The following FRMPD4 variants were observed in gnomAD, a reference collection of about 807,000 sequenced individuals.
FRMPD4 encodes FERM and PDZ domain containing 4.
In FRMPD4, 22 loss-of-function variants were observed where a neutral mutation model predicts 94.1. The ratio of observed to expected loss-of-function variants is 0.23; its 90% CI spans 0.17 to 0.33. The LOEUF (loss-of-function observed/expected upper bound fraction) is 0.33, where lower values mean the gene tolerates loss of function less well. Ranked by LOEUF, FRMPD4 falls within the 10% of genes least tolerant of loss-of-function variation. The pLI, the probability that FRMPD4 is intolerant of heterozygous loss-of-function variation, is 1.00. For synonymous variants in FRMPD4, 631 were observed against 548.6 expected (o/e 1.15, Z -2.10); for missense variants, 1,111 against 1,339.9 (o/e 0.83, Z 2.67).
chrX:12,625,983 G>T, intron 4 of FRMPD4, among the ~76,000 whole-genome samples: 1 of 111,426 alleles, frequency 9.0e-6, no homozygotes, highest in Admixed American at 9.5e-5. Context: ...CTAATCTGGG[G>T]ATAGATAGCA....
At chrX:12,491,959 T>C (rs1347490253) in intron 1 of FRMPD4, among the ~76,000 whole-genome samples, 1 of 112,222 alleles carries the variant, frequency 8.9e-6, no homozygotes, top group Admixed American at 9.5e-5. Flanking sequence ...AGCTCTGTGA[T>C]GCCTCTCTGA....
In FRMPD4 at chrX:12,622,010, GAAAGA is replaced by G. The variant is rs1332029624; in HGVS notation, c.422+7132_422+7136del. Among the ~76,000 whole-genome samples, 198 of 49,487 alleles carry G rather than the reference GAAAGA, an allele frequency of 4.0e-3. 1 individual carries two copies. Among genetic ancestry groups the G allele is most frequent in the Middle Eastern group, 7.4e-3 (1 of 135 alleles). The allele number at this position is 49,487 out of a possible 115,157, so 43.0% of individuals were successfully genotyped here. A position where few individuals can be genotyped will look rare whatever the true frequency, so the allele number is the denominator to read the frequency against. ...AGAAAGAAAGAAAGAAAGAAAGAAA[GAAAGA>G]AAGGAAGGAAGGAAGGAAGGAAGGA... On this transcript the variant is annotated intron_variant, in intron 4 of 16. Coordinates refer to ENST00000675598, the MANE Select transcript of FRMPD4 (RefSeq NM_001368397.1).
At chrX:12,189,503 A>G (rs1490632521) in intron 1 of FRMPD4, among the ~76,000 whole-genome samples, 2 of 112,107 alleles carry the variant, frequency 1.8e-5, no homozygotes, top group Non-Finnish European at 3.8e-5. Context: ...CATAGATTCA[A>G]AAATCCCCAA....
chrX:12,419,456 G>C (rs1239129066), intron 1 of FRMPD4, among the ~76,000 whole-genome samples: 1 of 112,301 alleles, frequency 8.9e-6, no homozygotes, highest in East Asian at 2.8e-4. Flanking sequence ...TTATGAAATA[G>C]AATTGTTGTT....
chrX:12,528,551 C>G (rs917946472), intron 2 of FRMPD4, among the ~76,000 whole-genome samples: 1 of 110,337 alleles, frequency 9.1e-6, no homozygotes, highest in Non-Finnish European at 1.9e-5. Flanking sequence ...GAACTCCTGA[C>G]TTGTGATCCA....
At chrX:12,253,343 C>G (rs1040039640) in intron 1 of FRMPD4, among the ~76,000 whole-genome samples, 1 of 112,131 alleles carries the variant, frequency 8.9e-6, no homozygotes, top group Non-Finnish European at 1.9e-5. Flanking sequence ...ATCTTACTCT[C>G]CCCCAGCATT....
intron 3 of FRMPD4, among the ~76,000 whole-genome samples, chrX:11,913,167 A>G (rs968118930): frequency 8.9e-6 from 1 of 112,245 alleles, no homozygotes; most frequent in African/African-American, 3.2e-5. Context: ...GATAACATGC[A>G]CATTCCTGGC....
At chrX:12,333,676 A>G (rs2055468898) in intron 1 of FRMPD4, among the ~76,000 whole-genome samples, 1 of 111,918 alleles carries the variant, frequency 8.9e-6, no homozygotes, top group Non-Finnish European at 1.9e-5. Context: ...TTTTTTGACA[A>G]AAGATTAGAA....
At chrX:12,712,289 C>G (rs990689505) in intron 14 of FRMPD4, among the ~76,000 whole-genome samples, 1 of 111,008 alleles carries the variant, frequency 9.0e-6, no homozygotes, top group Middle Eastern at 4.7e-3. Context: ...TGGTTCACGC[C>G]TATAATCCCA....
chrX:12,531,731 C>G (rs948116338), intron 2 of FRMPD4, among the ~76,000 whole-genome samples: 3 of 111,135 alleles, frequency 2.7e-5, no homozygotes, highest in Non-Finnish European at 5.7e-5. Context: ...TACCCCTGCT[C>G]ATAATCTCCC....
At chrX:11,958,139 T>C (rs183251181) in intron 3 of FRMPD4, among the ~76,000 whole-genome samples, 1 of 111,927 alleles carries the variant, frequency 8.9e-6, no homozygotes, top group Admixed American at 9.5e-5. Flanking sequence ...CAGACCCATC[T>C]CTGGATTTTC....
chrX:12,696,824 G>A (rs993184221), intron 9 of FRMPD4, among the ~76,000 whole-genome samples: 18 of 111,847 alleles, frequency 1.6e-4, no homozygotes, highest in Admixed American at 4.7e-4. Flanking sequence ...AAAAGTAGGC[G>A]GAAGATGGAA....
chrX:12,135,445 T>C (rs1254118317), upstream of FRMPD4, among the ~76,000 whole-genome samples: 1 of 108,242 alleles, frequency 9.2e-6, no homozygotes, highest in African/African-American at 3.4e-5. Context: ...TCCATTGTTG[T>C]ATTAATGAGA....
chrX:12,618,727 T>C (rs767650546), intron 4 of FRMPD4, among the ~76,000 whole-genome samples: 2 of 111,502 alleles, frequency 1.8e-5, no homozygotes, highest in Admixed American at 1.9e-4. Context: ...AACATAAATC[T>C]ACTAACTCCT....
intron 1 of FRMPD4, among the ~76,000 whole-genome samples, chrX:12,304,286 A>C (rs1398567942): frequency 9.0e-6 from 1 of 111,527 alleles, no homozygotes; most frequent in Non-Finnish European, 1.9e-5. Flanking sequence ...AAGTGGCAAC[A>C]TGAGAGTAAA....
chrX:12,248,548 T>A (rs893159509), intron 1 of FRMPD4, among the ~76,000 whole-genome samples: 1 of 112,343 alleles, frequency 8.9e-6, no homozygotes, highest in Admixed American at 9.4e-5. Context: ...TTGTTAAGGG[T>A]CATGTATAGT....
At chrX:11,860,311 G>A (rs367872678) in intron 1 of FRMPD4, among the ~76,000 whole-genome samples, 2 of 111,952 alleles carry the variant, frequency 1.8e-5, no homozygotes, top group South Asian at 3.7e-4. Flanking sequence ...GCAAGAAGCC[G>A]AACTGCCTGA....
In FRMPD4 at chrX:11,946,270, G is replaced by A. The variant is rs779600830; in HGVS notation, c.95+68252G>A. Among the ~76,000 whole-genome samples the A allele has an allele frequency of 2.7e-5, 3 of 111,415 alleles. No individual in the cohort carries two copies. The East Asian group carries it at 8.5e-4, about 31-fold the overall frequency. On this transcript the variant is annotated intron_variant, in intron 3 of 18. Transcript: ENST00000640291. ...CATTTTACTATTCTTTGCTCCGGCA[G>A]ACTCACCTAGGGCTGTTAGGTAATA...
intron 2 of FRMPD4, among the ~76,000 whole-genome samples, chrX:12,599,158 C>T (rs2059060955): frequency 9.0e-6 from 1 of 110,917 alleles, no homozygotes; most frequent in Non-Finnish European, 1.9e-5. Context: ...GTCTTCAGCC[C>T]TCCTCCTCAA....
Sources: gnomAD v4.1 joint callset for allele counts (sites outside exome capture counted in the v4.1 genomes callset) on GRCh38, gnomAD v4.1.1 for gene constraint, MANE v1.5 for transcripts, NCBI Gene and HGNC (gene_info 2026-07-23, HGNC 2026-07-21) for gene names.